ERC2: variants seen among roughly 807,000 people sequenced by gnomAD.
ERC2 encodes the protein ERC protein 2.
In ERC2, 42 loss-of-function variants were observed where a neutral mutation model predicts 114.8. The observed-to-expected ratio is 0.37, with a 90% CI of 0.29 to 0.47. ERC2 has a LOEUF of 0.47. Among genes scored for constraint, ERC2 ranks in the 20% least tolerant of loss-of-function variants. The pLI is 0.99. For synonymous variants in ERC2, 454 were observed against 425.5 expected, an observed-to-expected ratio of 1.07 and a Z score of -0.82; for missense variants, 939 against 1,150.7, an observed-to-expected ratio of 0.82 and a Z score of 2.66.
At chr3:56,348,014 C>CAG (rs1224933043) in intron 2 of ERC2, among the ~76,000 whole-genome samples, 1 of 152,166 alleles carries the variant, frequency 6.6e-6, no homozygotes, top group Non-Finnish European at 1.5e-5. Flanking sequence ...ATTTCTTGAA[C>CAG]ACTATGGAGT....
intron 17 of ERC2, among the ~76,000 whole-genome samples, chr3:55,650,323 C>T (rs1369130125): frequency 6.6e-6 from 1 of 152,200 alleles, no homozygotes; most frequent in Non-Finnish European, 1.5e-5. Context: ...GCTCAGTGCA[C>T]ACTGGATACC....
chr3:55,798,475 G>C (rs1257785438), intron 14 of ERC2, among the ~76,000 whole-genome samples: 1 of 152,036 alleles, frequency 6.6e-6, no homozygotes, highest in Non-Finnish European at 1.5e-5. Context: ...GCACGTGCCT[G>C]TAGTCCCAGC....
chr3:56,237,724 A>G (rs1317495747), intron 3 of ERC2, among the ~76,000 whole-genome samples: 1 of 152,174 alleles, frequency 6.6e-6, no homozygotes, highest in Non-Finnish European at 1.5e-5. Flanking sequence ...TAAGAAACAG[A>G]CATTTTCACA....
intron 17 of ERC2, among the ~76,000 whole-genome samples, chr3:55,677,052 C>G (rs991300805): frequency 6.6e-6 from 1 of 152,162 alleles, no homozygotes; most frequent in African/African-American, 2.4e-5. Context: ...TACCTTGGCC[C>G]CCAAGTCCAT....
intron 13 of ERC2, among the ~76,000 whole-genome samples, chr3:55,927,685 G>C (rs1276349032): frequency 1.3e-5 from 2 of 151,714 alleles, no homozygotes; most frequent in South Asian, 2.1e-4. Flanking sequence ...TCAAATACTA[G>C]ATCTTATTCA....
At chr3:56,256,238 T>A (rs2052509178) in intron 3 of ERC2, among the ~76,000 whole-genome samples, 1 of 152,226 alleles carries the variant, frequency 6.6e-6, no homozygotes, top group Admixed American at 6.5e-5. Flanking sequence ...GTACTTACCA[T>A]GAATGAAAAT....
intron 3 of ERC2, among the ~76,000 whole-genome samples, chr3:56,289,784 C>T (rs1409659608): frequency 6.6e-6 from 1 of 152,178 alleles, no homozygotes; most frequent in Non-Finnish European, 1.5e-5. Flanking sequence ...GGATGCCATT[C>T]AAGGCCTCTC....
intron 17 of ERC2, among the ~76,000 whole-genome samples, chr3:55,603,293 T>C (rs1375772986): frequency 6.6e-6 from 1 of 152,100 alleles, no homozygotes; most frequent in African/African-American, 2.4e-5. Flanking sequence ...AGACAAAAAG[T>C]CCAAAAACCA....
Position 56,205,467 on chromosome 3 carries a change from C to A in ERC2, c.1075-31947G>T, listed in dbSNP as rs569402263. On this transcript the variant is annotated intron_variant, in intron 3 of 17. Transcript: ENST00000288221. Reference sequence around the variant, plus strand: ...AGCATCTGATTAATGTCTGTCCAAACTCTTGCCCCGTAACAAGACCCTCTG... The same window carrying A: ...AGCATCTGATTAATGTCTGTCCAAAATCTTGCCCCGTAACAAGACCCTCTG... Among the ~76,000 whole-genome samples, 140 of 152,302 alleles carry A rather than the reference C, an allele frequency of 9.2e-4. 1 individual carries two copies. The highest frequency in any genetic ancestry group is 3.2e-3 in the Admixed American group (49 of 15,294).
intron 14 of ERC2, among the ~76,000 whole-genome samples, chr3:55,799,095 G>A (rs1022289769): frequency 1.3e-5 from 2 of 152,006 alleles, no homozygotes; most frequent in Non-Finnish European, 2.9e-5. Flanking sequence ...ACAGTAGCAG[G>A]GCTAGTAGGG....
At chr3:56,122,468 T>G (rs538534689) in intron 6 of ERC2, among the ~76,000 whole-genome samples, 45 of 152,296 alleles carry the variant, frequency 3.0e-4, no homozygotes, top group African/African-American at 1.0e-3. Context: ...TAAAAAAATT[T>G]TTTTTGACAA....
chr3:56,454,512 G>T (rs906564517), intron 1 of ERC2, among the ~76,000 whole-genome samples: 1 of 152,114 alleles, frequency 6.6e-6, no homozygotes, highest in African/African-American at 2.4e-5. Flanking sequence ...ATAGCCAAAA[G>T]GTGAAAACAA....
At chr3:55,977,328 A>G (rs971307412) in intron 12 of ERC2, among the ~76,000 whole-genome samples, 1 of 151,970 alleles carries the variant, frequency 6.6e-6, no homozygotes, top group South Asian at 2.1e-4. Context: ...GAAAACCTGC[A>G]TAACAAAAAC....
intron 17 of ERC2, among the ~76,000 whole-genome samples, chr3:55,568,552 C>G (rs182371512): frequency 6.6e-6 from 1 of 152,294 alleles, no homozygotes; most frequent in East Asian, 1.9e-4. Context: ...AATATTTCAG[C>G]AAATACTATT....
intron 16 of ERC2, among the ~76,000 whole-genome samples, chr3:55,690,314 T>C (rs1559504072): frequency 2.0e-5 from 3 of 152,156 alleles, no homozygotes; most frequent in African/African-American, 4.8e-5. Flanking sequence ...ACATGATCCC[T>C]ATTACATCAG....
At chr3:56,377,797 C>G (rs1460172739) in intron 2 of ERC2, among the ~76,000 whole-genome samples, 3 of 151,840 alleles carry the variant, frequency 2.0e-5, no homozygotes, top group African/African-American at 7.3e-5. Flanking sequence ...GCAGGAGAAC[C>G]ACTTGAGCCC....
At chr3:56,433,639 A>C (rs2061890835) in intron 2 of ERC2, 1 of 152,454 alleles carries the variant, frequency 6.6e-6, no homozygotes, top group South Asian at 2.1e-4. Context: ...GTAATCACTG[A>C]GGGCTTTAAA....
chr3:55,571,678 A>C (rs2056723323), intron 17 of ERC2, among the ~76,000 whole-genome samples: 1 of 152,124 alleles, frequency 6.6e-6, no homozygotes, highest in Non-Finnish European at 1.5e-5. Flanking sequence ...AATTCTGTGG[A>C]GTGTTCAGAA....
At chr3:55,914,361 C>T (rs2064979641) in intron 13 of ERC2, among the ~76,000 whole-genome samples, 1 of 152,112 alleles carries the variant, frequency 6.6e-6, no homozygotes, top group South Asian at 2.1e-4. Flanking sequence ...TTAAATGTTA[C>T]ATTATTCTTA....
Sources: allele counts gnomAD v4.1 joint callset (sites outside exome capture counted in the v4.1 genomes callset), GRCh38; gene constraint gnomAD v4.1.1; transcripts MANE v1.5; gene names NCBI Gene and HGNC (gene_info 2026-07-23, HGNC 2026-07-21).